The following ACER2 variants were observed in gnomAD, a reference collection of about 807,000 sequenced individuals.
ACER2 encodes the protein alkCDase 2.
ACER2 carries 26 observed loss-of-function variants against 34.7 expected under a neutral mutation model. That is an observed-to-expected ratio of 0.75 (90% CI 0.55 to 1.04). ACER2 has a LOEUF of 1.04. ACER2 is among the 50% of genes least tolerant of loss of function. The pLI is 0.00. For synonymous variants in ACER2, 138 were observed against 132.1 expected (o/e 1.04, Z -0.31); for missense variants, 352 against 340.8 (o/e 1.03, Z -0.26).
At chr9:19,441,548 C>T (rs538192643) in intron 4 of ACER2, among the ~76,000 whole-genome samples, 2 of 152,246 alleles carry the variant, frequency 1.3e-5, no homozygotes, top group East Asian at 1.9e-4. Flanking sequence ...TTATGCCATC[C>T]CTTTTTCTGG....
chr9:19,422,302 G>GA (rs1044760946), intron 1 of ACER2, among the ~76,000 whole-genome samples: 1,507 of 140,946 alleles, frequency 0.011, 25 homozygotes, highest in African/African-American at 0.036. Context: ...CTGTCTCTAA[G>GA]AAAAAAAAAA....
chr9:19,446,352 G>C lies in ACER2; in HGVS notation c.575G>C (p.Trp192Ser). 6.2e-7 allele frequency: 1 copy of C among 1,614,164 alleles called. No individual in the cohort carries two copies. The highest frequency in any genetic ancestry group is 2.2e-5 in the East Asian group (1 of 44,864). The change falls in exon 5 of 6, where the codon TGG becomes TCG. Residue 192 changes from tryptophan (W) to serine (S), a missense_variant. Physicochemically the swap from Trp to Ser is radical, Grantham distance 177. Coordinates refer to ENST00000340967, the MANE Select transcript of ACER2 (RefSeq NM_001010887.3). Reference sequence around the variant, plus strand: ...TGGTGGACCCTGGCCCTGTTCTGCTGGATCAGTGACCGAGCTTTCTGCGAG... The same window carrying C: ...TGGTGGACCCTGGCCCTGTTCTGCTCGATCAGTGACCGAGCTTTCTGCGAG... Reference protein sequence around the residue: ...GLWWTLALFCWISDRAFCELL... With the variant: ...GLWWTLALFCSISDRAFCELL...
At chr9:19,436,059 AAAAGAAG>A (rs1830959524) in intron 4 of ACER2, among the ~76,000 whole-genome samples, 1 of 149,072 alleles carries the variant, frequency 6.7e-6, no homozygotes, top group African/African-American at 2.6e-5. Context: ...AAAAAACAGA[AAAAGAAG>A]AAAGAAGAAA....
At chr9:19,444,470 C>G (rs890404478) in intron 4 of ACER2, among the ~76,000 whole-genome samples, 7 of 152,178 alleles carry the variant, frequency 4.6e-5, no homozygotes, top group South Asian at 2.1e-4. Context: ...CTCGGCCTCC[C>G]AAAGTGCTGG....
chr9:19,418,525 G>C (rs1481897575), intron 1 of ACER2, among the ~76,000 whole-genome samples: 1 of 152,138 alleles, frequency 6.6e-6, no homozygotes, highest in African/African-American at 2.4e-5. Context: ...CCACAAAAAA[G>C]GATGAGTTCA....
intron 3 of ACER2, among the ~76,000 whole-genome samples, chr9:19,434,115 C>CTGCAATCTCGGCACTTTGGGAG (rs1830863680): frequency 6.8e-6 from 1 of 146,038 alleles, no homozygotes. Flanking sequence ...CGGGCAGAGG[C>CTGCAATCTCGGCACTTTGGGAG]GCTCCTCACA....
At chr9:19,424,376 G>T (rs1830497530) in intron 2 of ACER2, 2 of 985,182 alleles carry the variant, frequency 2.0e-6, no homozygotes, top group Admixed American at 1.2e-4. Context: ...CAGGCAGCCT[G>T]GGAATTCTTA....
At chr9:19,443,247 T>C (rs1307232734) in intron 4 of ACER2, among the ~76,000 whole-genome samples, 3 of 152,156 alleles carry the variant, frequency 2.0e-5, no homozygotes, top group African/African-American at 7.2e-5. Flanking sequence ...TTAGCCAGGA[T>C]GGTCTTGATC....
intron 1 of ACER2, among the ~76,000 whole-genome samples, chr9:19,415,302 C>A (rs1830208978): frequency 6.6e-6 from 1 of 152,016 alleles, no homozygotes; most frequent in South Asian, 2.1e-4. Flanking sequence ...ACCAGCCTGG[C>A]CAACATGGTG....
intron 1 of ACER2, among the ~76,000 whole-genome samples, chr9:19,415,492 C>T (rs1830214978): frequency 6.8e-6 from 1 of 146,996 alleles, no homozygotes; most frequent in South Asian, 2.2e-4. Flanking sequence ...GAGACTCCAT[C>T]TCAATAAATA....
At chr9:19,424,586 G>C in intron 2 of ACER2, 114 bp from the exon 3 acceptor site, 4 of 1,507,928 alleles carry the variant, frequency 2.7e-6, no homozygotes, top group Non-Finnish European at 3.5e-6. Flanking sequence ...TTTTCAGAGA[G>C]AGAGTGATCT....
At chr9:19,417,036 A>G (rs10113976) in intron 1 of ACER2, among the ~76,000 whole-genome samples, 20,527 of 152,176 alleles carry the variant, frequency 0.13, 1,524 homozygotes, top group South Asian at 0.24. Context: ...AAGTCTCAGG[A>G]TACAAAATCA....
chr9:19,441,989 T>C (rs1831170774), intron 4 of ACER2, among the ~76,000 whole-genome samples: 1 of 152,254 alleles, frequency 6.6e-6, no homozygotes, highest in Admixed American at 6.5e-5. Flanking sequence ...TCTTTCTCTT[T>C]AGCCTTTATT....
intron 3 of ACER2, among the ~76,000 whole-genome samples, chr9:19,427,225 A>G (rs1467547564): frequency 6.6e-6 from 1 of 152,198 alleles, no homozygotes; most frequent in Non-Finnish European, 1.5e-5. Context: ...GGCTCAGTCA[A>G]AGTTAGCTCT....
At chr9:19,413,353 C>A (rs1333453840) in intron 1 of ACER2, among the ~76,000 whole-genome samples, 1 of 152,224 alleles carries the variant, frequency 6.6e-6, no homozygotes, top group Non-Finnish European at 1.5e-5. Flanking sequence ...AATCCCAGCA[C>A]TTTGGGAGGC....
rs191022944 is a variant in ACER2, at chr9:19,443,132, G to A, written c.504-3149G>A. Among the ~76,000 whole-genome samples, 6 of 152,350 alleles carry A rather than the reference G, an allele frequency of 3.9e-5. No individual in the cohort carries two copies. The South Asian group carries it at 8.3e-4, about 21-fold the overall frequency. The stretch of plus-strand genomic sequence containing the variant: ...TGCAAGCTCCGCCTCCCGGGTTCGC[G>A]CCATTCTCCTGCTTCAGTCTCCGGA... On this transcript the variant is annotated intron_variant, in intron 4 of 5. Coordinates refer to ENST00000340967, the MANE Select transcript of ACER2 (RefSeq NM_001010887.3).
At chr9:19,443,876 C>G (rs150745033) in intron 4 of ACER2, among the ~76,000 whole-genome samples, 2 of 152,108 alleles carry the variant, frequency 1.3e-5, no homozygotes, top group African/African-American at 4.8e-5. Context: ...AGGCTGATCT[C>G]CAACTCCTGA....
chr9:19,414,490 T>A (rs1830180155), intron 1 of ACER2, among the ~76,000 whole-genome samples: 1 of 152,192 alleles, frequency 6.6e-6, no homozygotes. Flanking sequence ...TAATACATTT[T>A]AAAAATTGTG....
At chr9:19,427,319 G>T (rs1830600984) in intron 3 of ACER2, among the ~76,000 whole-genome samples, 1 of 152,186 alleles carries the variant, frequency 6.6e-6, no homozygotes, top group African/African-American at 2.4e-5. Context: ...AATGTACATT[G>T]ACAATTTTAA....
Sources: gnomAD v4.1 joint callset for allele counts (sites outside exome capture counted in the v4.1 genomes callset) on GRCh38, gnomAD v4.1.1 for gene constraint, MANE v1.5 for transcripts, NCBI Gene and HGNC (gene_info 2026-07-23, HGNC 2026-07-21) for gene names.